Variants in NAV3 observed in about 807,000 individuals in gnomAD.
NAV3 encodes the protein pore membrane and/or filament interacting like protein 1.
Under a neutral mutation model 244.7 loss-of-function variants are expected in NAV3, and 87 were observed. The ratio of observed to expected loss-of-function variants is 0.36; its 90% CI spans 0.30 to 0.42. The LOEUF is 0.42. NAV3 is among the 20% of genes least tolerant of loss of function. The probability of loss-of-function intolerance (pLI) is 1.00; values close to 1 mark genes in which losing one functional copy is unlikely to be tolerated. For synonymous variants in NAV3, 1,126 were observed against 1,042.2 expected, an observed-to-expected ratio of 1.08 and a Z score of -1.55; for missense variants, 2,663 against 2,893.3, an observed-to-expected ratio of 0.92 and a Z score of 1.83.
At chr12:77,657,835 A>G (rs947416313) in intron 2 of NAV3, among the ~76,000 whole-genome samples, 3 of 152,134 alleles carry the variant, frequency 2.0e-5, no homozygotes, top group African/African-American at 7.2e-5. Flanking sequence ...TCCAGCATAT[A>G]AACAGAACCA....
At chr12:77,694,123 T>A (rs1238327228) in intron 2 of NAV3, among the ~76,000 whole-genome samples, 1 of 152,032 alleles carries the variant, frequency 6.6e-6, no homozygotes, top group Non-Finnish European at 1.5e-5. Context: ...GAGTTCATGA[T>A]GTTTGTATAT....
chr12:77,663,730 A>G lies in NAV3; in HGVS notation c.72+91464A>G, dbSNP rs575871342. Among the ~76,000 whole-genome samples the G allele has an allele frequency of 2.0e-5, 3 of 152,288 alleles. No individual in the cohort carries two copies. In the East Asian group the frequency reaches 5.8e-4, roughly 29 times the overall value. ...GAGACCAGTTTTCTCCATGTTGGTC[A>G]GGCTGGTCTCGAACTCCTGATCTCA... On this transcript the variant is annotated intron_variant, in intron 2 of 8. Coordinates refer to the NAV3 transcript ENST00000550042.
chr12:78,169,567 C>T (rs1957918866), intron 24 of NAV3, among the ~76,000 whole-genome samples: 1 of 151,606 alleles, frequency 6.6e-6, no homozygotes, highest in Admixed American at 6.6e-5. Context: ...TCAGTGAGCT[C>T]AGCTCTTTCC....
chr12:77,694,302 T>TA lies in NAV3; in HGVS notation c.72+122048dup, dbSNP rs112046163. ...TAACATGGTGAAACCCCATCTCTAC[T>TA]AAAAAAAAAAAATACAAAAAATCAG... On this transcript the variant is annotated intron_variant, in intron 2 of 8. Transcript: ENST00000550042. Among the ~76,000 whole-genome samples, 904 of 141,764 alleles carry TA rather than the reference T, an allele frequency of 6.4e-3. 8 individuals carry two copies. The highest frequency in any genetic ancestry group is 0.021 in the African/African-American group (796 of 38,664). 93.0% of individuals were successfully genotyped at this position (141,764 alleles called of 152,430 possible).
chr12:77,748,409 G>C (rs949106238), intron 2 of NAV3, among the ~76,000 whole-genome samples: 6 of 152,096 alleles, frequency 3.9e-5, no homozygotes, highest in Admixed American at 3.9e-4. Context: ...TCAAGATTAT[G>C]GATAAGATTC....
intron 2 of NAV3, among the ~76,000 whole-genome samples, chr12:77,768,784 T>C (rs1464475777): frequency 6.6e-6 from 1 of 152,230 alleles, no homozygotes; most frequent in African/African-American, 2.4e-5. Flanking sequence ...TAGGCAGGGC[T>C]CCTGCCTGTT....
intron 3 of NAV3, among the ~76,000 whole-genome samples, chr12:77,946,768 A>C (rs1890388382): frequency 6.6e-6 from 1 of 152,216 alleles, no homozygotes; most frequent in Admixed American, 6.6e-5. Flanking sequence ...ACATTTACTT[A>C]GAATGCAGAG....
chr12:77,707,779 T>C (rs1321099715), intron 2 of NAV3, among the ~76,000 whole-genome samples: 2 of 152,212 alleles, frequency 1.3e-5, no homozygotes, highest in African/African-American at 2.4e-5. Context: ...TGGTATCTCA[T>C]TGTGGTTTTG....
At chr12:77,619,284 T>C (rs1871267463) in intron 2 of NAV3, among the ~76,000 whole-genome samples, 2 of 152,192 alleles carry the variant, frequency 1.3e-5, no homozygotes, top group African/African-American at 4.8e-5. Flanking sequence ...CTGAAATATT[T>C]AAAAAATAAC....
chr12:78,136,680 G>A (rs1403698777), intron 18 of NAV3, among the ~76,000 whole-genome samples: 1 of 152,092 alleles, frequency 6.6e-6, no homozygotes, highest in Non-Finnish European at 1.5e-5. Flanking sequence ...AATAATGATG[G>A]TCCTAATCAT....
intron 3 of NAV3, 144 bp downstream of exon 3, chr12:77,941,277 G>A: frequency 1.7e-6 from 1 of 590,670 alleles, no homozygotes; most frequent in East Asian, 3.0e-5. Context: ...GTATTTGTGT[G>A]GGTTCAATTT....
At chr12:78,187,033 T>C (rs994761794) in intron 31 of NAV3, among the ~76,000 whole-genome samples, 1 of 151,866 alleles carries the variant, frequency 6.6e-6, no homozygotes, top group African/African-American at 2.4e-5. Context: ...AAAGACCTCA[T>C]CTCCTAATAC....
At chr12:78,188,811 T>A (rs771737671) in intron 33 of NAV3, 34 bp downstream of exon 33, 16 of 1,597,918 alleles carry the variant, frequency 1.0e-5, no homozygotes, top group Admixed American at 1.7e-5. Context: ...GGCAGAAATA[T>A]AATTTTTAGC....
chr12:77,624,598 A>C lies in NAV3; in HGVS notation c.72+52332A>C, dbSNP rs1270408788. 7.2e-5 allele frequency among the ~76,000 whole-genome samples: 11 copies of C among 152,208 alleles called. No individual in the cohort carries two copies. In the South Asian group the frequency reaches 2.3e-3, roughly 32 times the overall value. On this transcript the variant is annotated intron_variant, in intron 2 of 8. Transcript: ENST00000550042. ...ACCAAGCAGTGGACATACAGAAGGTATGAAGTGGCTGTTGAAGGTGGAGTT... is the reference window on the plus strand; with the variant it reads ...ACCAAGCAGTGGACATACAGAAGGTCTGAAGTGGCTGTTGAAGGTGGAGTT...
At chr12:77,939,087 C>A (rs1348155400) in intron 1 of NAV3, among the ~76,000 whole-genome samples, 1 of 151,714 alleles carries the variant, frequency 6.6e-6, no homozygotes, top group Non-Finnish European at 1.5e-5. Flanking sequence ...TTCTATACTT[C>A]TGGTTTATTA....
chr12:77,917,752 G>A (rs1237518509), intron 1 of NAV3, among the ~76,000 whole-genome samples: 1 of 152,010 alleles, frequency 6.6e-6, no homozygotes, highest in Non-Finnish European at 1.5e-5. Flanking sequence ...TCTTATTCTT[G>A]CTGAAATCTG....
chr12:78,065,563 A>C (rs1357785944), intron 12 of NAV3, among the ~76,000 whole-genome samples: 1 of 152,132 alleles, frequency 6.6e-6, no homozygotes, highest in African/African-American at 2.4e-5. Context: ...ATATTTTTTG[A>C]AATGGAGAGA....
intron 1 of NAV3, among the ~76,000 whole-genome samples, chr12:77,861,022 T>C (rs1298913522): frequency 6.6e-6 from 1 of 151,884 alleles, no homozygotes; most frequent in Non-Finnish European, 1.5e-5. Flanking sequence ...CAAAATTCCA[T>C]TAATTCCTTT....
intron 2 of NAV3, among the ~76,000 whole-genome samples, chr12:77,721,609 C>T (rs1876636569): frequency 6.6e-6 from 1 of 151,924 alleles, no homozygotes; most frequent in Non-Finnish European, 1.5e-5. Flanking sequence ...AAAAGAATAG[C>T]CTCAGTTATT....
Sources: allele counts gnomAD v4.1 joint callset (sites outside exome capture counted in the v4.1 genomes callset), GRCh38; gene constraint gnomAD v4.1.1; transcripts MANE v1.5; gene names NCBI Gene and HGNC (gene_info 2026-07-23, HGNC 2026-07-21).